ITGBL1: variants seen among roughly 807,000 people sequenced by gnomAD.
ITGBL1 encodes integrin beta-like protein 1.
A neutral mutation model predicts 68.5 loss-of-function variants in ITGBL1; 51 were observed. That is an observed-to-expected ratio of 0.74 (90% confidence interval 0.59 to 0.94). ITGBL1 has a LOEUF of 0.94. Ranked by LOEUF, ITGBL1 falls within the 40% of genes least tolerant of loss-of-function variation. ITGBL1 has a pLI of 0.00. For synonymous variants in ITGBL1, 209 were observed against 227.3 expected, an observed-to-expected ratio of 0.92 and a Z score of 0.72; for missense variants, 649 against 647.4, an observed-to-expected ratio of 1.00 and a Z score of -0.03.
At chr13:101,614,585 C>T (rs893806981) in intron 7 of ITGBL1, among the ~76,000 whole-genome samples, 1 of 152,170 alleles carries the variant, frequency 6.6e-6, no homozygotes, top group Non-Finnish European at 1.5e-5. Flanking sequence ...CTGTTCCCAG[C>T]CCAGCCTTCC....
At position 101,493,852 on chromosome 13, in the gene ITGBL1, G is replaced by C. The variant is rs569114229; in HGVS notation, c.316+39752G>C. ...AGAATTTCAAGGTTATAGGAAACTT[G>C]GCTTTGTGCAAAGTATGTTGCCATC... On this transcript the variant is annotated intron_variant, in intron 2 of 10. Coordinates refer to ENST00000376180, the MANE Select transcript of ITGBL1 (RefSeq NM_004791.3). Among the ~76,000 whole-genome samples the C allele has an allele frequency of 1.3e-5, 2 of 152,330 alleles. 1 individual carries two copies. Among genetic ancestry groups the C allele is most frequent in the Admixed American group, 1.3e-4 (2 of 15,294 alleles).
intron 3 of ITGBL1, among the ~76,000 whole-genome samples, chr13:101,572,195 C>A (rs764049740): frequency 5.9e-5 from 9 of 152,070 alleles, no homozygotes; most frequent in Non-Finnish European, 1.0e-4. Flanking sequence ...CCATTTCCCC[C>A]AAATTGCATT....
intron 7 of ITGBL1, among the ~76,000 whole-genome samples, chr13:101,604,887 T>TATGTATGTATATATATATATACAC: frequency 4.5e-5 from 1 of 22,164 alleles, no homozygotes; most frequent in South Asian, 2.6e-3. Flanking sequence ...TATATATATA[T>TATGTATGTATATATATATATACAC]ACACACACAC....
chr13:101,459,944 A>G (rs2139619475), intron 2 of ITGBL1, among the ~76,000 whole-genome samples: 1 of 152,216 alleles, frequency 6.6e-6, no homozygotes, highest in South Asian at 2.1e-4. Flanking sequence ...ATATGTGGTT[A>G]TTCATGAGAA....
intron 7 of ITGBL1, among the ~76,000 whole-genome samples, chr13:101,605,986 A>G (rs1271603252): frequency 6.8e-6 from 1 of 146,818 alleles, no homozygotes; most frequent in Non-Finnish European, 1.5e-5. Flanking sequence ...ATATGTGTAT[A>G]TATATGTGTA....
chr13:101,639,614 T>A (rs574425279), intron 7 of ITGBL1, among the ~76,000 whole-genome samples: 2 of 152,326 alleles, frequency 1.3e-5, no homozygotes, highest in African/African-American at 4.8e-5. Flanking sequence ...TCTTTAGGTA[T>A]AAGTAGGACC....
At chr13:101,686,959 G>A (rs2033768354) in intron 7 of ITGBL1, among the ~76,000 whole-genome samples, 1 of 152,086 alleles carries the variant, frequency 6.6e-6, no homozygotes, top group Non-Finnish European at 1.5e-5. Context: ...GTTAGAATGA[G>A]ATAATGTTCT....
At chr13:101,495,326 C>T (rs1459130547) in intron 2 of ITGBL1, among the ~76,000 whole-genome samples, 5 of 152,200 alleles carry the variant, frequency 3.3e-5, no homozygotes, top group Middle Eastern at 3.4e-3. Flanking sequence ...TAGCTGTGAA[C>T]GAATTCACAT....
At chr13:101,607,634 A>G (rs2030933549) in intron 7 of ITGBL1, among the ~76,000 whole-genome samples, 1 of 152,058 alleles carries the variant, frequency 6.6e-6, no homozygotes, top group African/African-American at 2.4e-5. Context: ...TAAGTTAAAT[A>G]TTTTGAAGAA....
intron 2 of ITGBL1, among the ~76,000 whole-genome samples, chr13:101,486,266 C>G (rs1472468390): frequency 6.6e-6 from 1 of 152,080 alleles, no homozygotes; most frequent in South Asian, 2.1e-4. Context: ...TATGTTCTCA[C>G]TTATAAGTAG....
intron 5 of ITGBL1, among the ~76,000 whole-genome samples, chr13:101,580,548 T>C (rs1004279424): frequency 2.6e-5 from 4 of 152,178 alleles, no homozygotes; most frequent in South Asian, 2.1e-4. Flanking sequence ...CATTAACTTA[T>C]CATTTACATT....
chr13:101,707,004 A>G (rs1483030860), intron 9 of ITGBL1, 102 bp downstream of exon 9: 2 of 1,240,634 alleles, frequency 1.6e-6, no homozygotes, highest in Non-Finnish European at 2.3e-6. Context: ...TTTGCATGAA[A>G]GCAAACCACT....
At chr13:101,565,100 T>C (rs1356263735) in intron 2 of ITGBL1, among the ~76,000 whole-genome samples, 1 of 152,080 alleles carries the variant, frequency 6.6e-6, no homozygotes, top group Admixed American at 6.6e-5. Flanking sequence ...AATAAATTTC[T>C]GTTTTTTTAA....
rs188280553 is a variant in ITGBL1, at chr13:101,601,765, C to A, written c.1015+3466C>A. 1.6e-4 allele frequency among the ~76,000 whole-genome samples: 24 copies of A among 152,182 alleles called. No individual in the cohort carries two copies. The East Asian group carries it at 3.9e-3, about 25-fold the overall frequency. On this transcript the variant is annotated intron_variant, in intron 7 of 10. Coordinates refer to ENST00000376180, the MANE Select transcript of ITGBL1 (RefSeq NM_004791.3). Reference sequence around the variant, plus strand: ...GTGGTTTTGAGTGAGTTTCTTAATCCTGAGTTCTAGTTTGATTGCACTGTG... The same window carrying A: ...GTGGTTTTGAGTGAGTTTCTTAATCATGAGTTCTAGTTTGATTGCACTGTG...
At chr13:101,702,399 A>G (rs2034156905) in intron 8 of ITGBL1, among the ~76,000 whole-genome samples, 1 of 152,062 alleles carries the variant, frequency 6.6e-6, no homozygotes, top group South Asian at 2.1e-4. Flanking sequence ...CTTATGACCA[A>G]TTTAGTTTTA....
chr13:101,542,559 A>G (rs2049729185), intron 2 of ITGBL1, among the ~76,000 whole-genome samples: 1 of 152,120 alleles, frequency 6.6e-6, no homozygotes, highest in African/African-American at 2.4e-5. Context: ...AGTTCTGTAG[A>G]TGTCTATTAG....
intron 2 of ITGBL1, among the ~76,000 whole-genome samples, chr13:101,505,129 A>T (rs2049007024): frequency 6.6e-6 from 1 of 152,174 alleles, no homozygotes; most frequent in Admixed American, 6.6e-5. Context: ...GGCCAACATT[A>T]ACAGTGAGTG....
At chr13:101,557,061 G>A (rs575362738) in intron 2 of ITGBL1, among the ~76,000 whole-genome samples, 3 of 152,330 alleles carry the variant, frequency 2.0e-5, no homozygotes, top group East Asian at 3.9e-4. Flanking sequence ...CTCCTCAGGG[G>A]ACAGACAGAG....
intron 7 of ITGBL1, among the ~76,000 whole-genome samples, chr13:101,653,665 G>A (rs2032825250): frequency 6.6e-6 from 1 of 151,942 alleles, no homozygotes; most frequent in South Asian, 2.1e-4. Context: ...TGACCACACA[G>A]TAAGAGATGA....
Sources: allele counts gnomAD v4.1 joint callset (sites outside exome capture counted in the v4.1 genomes callset), GRCh38; gene constraint gnomAD v4.1.1; transcripts MANE v1.5; gene names NCBI Gene and HGNC (gene_info 2026-07-23, HGNC 2026-07-21).